LUZP2: variants seen among roughly 807,000 people sequenced by gnomAD.
LUZP2 encodes leucine zipper protein 2.
In LUZP2, 52 loss-of-function variants were observed where a neutral mutation model predicts 51.6. That is an observed-to-expected ratio of 1.01 (90% CI 0.81 to 1.27). The LOEUF is 1.27. Among genes scored for constraint, LUZP2 ranks in the 50% most tolerant of loss-of-function variants. The pLI is 0.00. For missense variants in LUZP2, 436 were observed against 395.4 expected (o/e 1.10, Z -0.87); for synonymous variants, 154 against 137.3 (o/e 1.12, Z -0.85).
intron 9 of LUZP2, among the ~76,000 whole-genome samples, chr11:24,993,211 G>A (rs552851677): frequency 6.6e-6 from 1 of 152,058 alleles, no homozygotes; most frequent in Non-Finnish European, 1.5e-5. Context: ...TACATTGACT[G>A]ATCTGGCCTG....
At chr11:25,014,039 G>A (rs1007227913) in intron 9 of LUZP2, among the ~76,000 whole-genome samples, 7 of 152,062 alleles carry the variant, frequency 4.6e-5, no homozygotes, top group Non-Finnish European at 7.4e-5. Context: ...TGAGAATGAT[G>A]ATTTCCAGCT....
chr11:24,953,826 T>A (rs911001362), intron 7 of LUZP2, among the ~76,000 whole-genome samples: 6 of 152,028 alleles, frequency 3.9e-5, no homozygotes, highest in Non-Finnish European at 7.4e-5. Flanking sequence ...ATTTATTCAA[T>A]GATTAGCAAA....
chr11:24,825,752 C>G (rs561610976), intron 5 of LUZP2, among the ~76,000 whole-genome samples: 4 of 152,210 alleles, frequency 2.6e-5, no homozygotes, highest in African/African-American at 9.6e-5. Context: ...CTTCCCTCCT[C>G]ACCCCCTGAT....
intron 5 of LUZP2, among the ~76,000 whole-genome samples, chr11:24,797,266 C>A (rs1239370193): frequency 6.6e-6 from 1 of 151,538 alleles, no homozygotes; most frequent in Non-Finnish European, 1.5e-5. Context: ...CAATAAGAGT[C>A]ATTTGACTCA....
chr11:24,949,552 C>T (rs964815249), intron 7 of LUZP2, among the ~76,000 whole-genome samples: 2 of 151,450 alleles, frequency 1.3e-5, no homozygotes, highest in East Asian at 1.9e-4. Context: ...CTTTGCTATG[C>T]GTAAGTGAAC....
intron 7 of LUZP2, among the ~76,000 whole-genome samples, chr11:24,934,898 G>A (rs1854547306): frequency 6.6e-6 from 1 of 152,136 alleles, no homozygotes; most frequent in Non-Finnish European, 1.5e-5. Flanking sequence ...TATTTAGCCT[G>A]TGGCCAGTGT....
rs1211122880 is a variant in LUZP2, at chr11:24,786,987, G to A, written c.396+23679G>A. On this transcript the variant is annotated intron_variant, in intron 5 of 11. Transcript: ENST00000336930. ...TGACAACTTTTCTTGCCCAATTCAG[G>A]CCCAGTTATCAATTCAATTGAGGAA... 3.9e-5 allele frequency among the ~76,000 whole-genome samples: 6 copies of A among 152,076 alleles called. No individual in the cohort carries two copies. The East Asian group carries it at 1.2e-3, about 29-fold the overall frequency.
intron 1 of LUZP2, among the ~76,000 whole-genome samples, chr11:24,546,064 C>T (rs1851530641): frequency 6.6e-6 from 1 of 151,990 alleles, no homozygotes; most frequent in Admixed American, 6.6e-5. Flanking sequence ...GGACTGCATT[C>T]ATGATTTGGC....
chr11:24,586,619 A>G (rs897203576), intron 1 of LUZP2, among the ~76,000 whole-genome samples: 5 of 152,094 alleles, frequency 3.3e-5, no homozygotes, highest in African/African-American at 1.2e-4. Flanking sequence ...CCCATGCTTA[A>G]TAAAATACAA....
chr11:24,546,248 C>G (rs1393824816), intron 1 of LUZP2, among the ~76,000 whole-genome samples: 2 of 152,070 alleles, frequency 1.3e-5, no homozygotes, highest in East Asian at 1.9e-4. Context: ...TTGACTTCTT[C>G]TCTTCCTATT....
intron 1 of LUZP2, among the ~76,000 whole-genome samples, chr11:24,660,590 G>A (rs113924570): frequency 4.3e-4 from 65 of 152,064 alleles, no homozygotes; most frequent in Non-Finnish European, 4.0e-4. Flanking sequence ...GGATTAAAGC[G>A]AAGAACCCCT....
chr11:24,836,045 G>C (rs1229625188), intron 5 of LUZP2, among the ~76,000 whole-genome samples: 1 of 151,926 alleles, frequency 6.6e-6, no homozygotes, highest in Non-Finnish European at 1.5e-5. Context: ...GTGGTTAATA[G>C]CATAGACTAT....
chr11:24,778,423 TAAAC>T (rs375197625), intron 5 of LUZP2, among the ~76,000 whole-genome samples: 42 of 151,282 alleles, frequency 2.8e-4, no homozygotes, highest in African/African-American at 4.4e-4. Flanking sequence ...AAAAAATGAA[TAAAC>T]AAACAAACAA....
chr11:24,623,237 TC>T (rs763898465), intron 1 of LUZP2, among the ~76,000 whole-genome samples: 5 of 130,014 alleles, frequency 3.8e-5, no homozygotes, highest in Non-Finnish European at 8.3e-5. Context: ...TCATAAAAAC[TC>T]ATGGGAAAAG....
chr11:24,754,141 T>C (rs1859689463), intron 4 of LUZP2, among the ~76,000 whole-genome samples: 1 of 152,146 alleles, frequency 6.6e-6, no homozygotes, highest in Admixed American at 6.5e-5. Flanking sequence ...TTTCACCTCA[T>C]CAGTGTTTTT....
chr11:24,712,320 C>A (rs1414193132), intron 1 of LUZP2, among the ~76,000 whole-genome samples: 1 of 151,928 alleles, frequency 6.6e-6, no homozygotes, highest in Non-Finnish European at 1.5e-5. Flanking sequence ...ACTCAGTAGG[C>A]TAAGGCATGA....
intron 7 of LUZP2, among the ~76,000 whole-genome samples, chr11:24,924,662 C>A (rs538206788): frequency 6.6e-6 from 1 of 151,988 alleles, no homozygotes; most frequent in Admixed American, 6.6e-5. Flanking sequence ...AATGTGTGCT[C>A]AAGGTGGTTG....
chr11:24,755,804 C>T (rs1488441681), intron 4 of LUZP2, among the ~76,000 whole-genome samples: 1 of 152,080 alleles, frequency 6.6e-6, no homozygotes. Flanking sequence ...TGTAACATCG[C>T]ATGACAAATA....
At chr11:24,935,546 A>T (rs553407868) in intron 7 of LUZP2, among the ~76,000 whole-genome samples, 1 of 152,278 alleles carries the variant, frequency 6.6e-6, no homozygotes, top group South Asian at 2.1e-4. Flanking sequence ...GTAAAATTGC[A>T]TTTGAGTGCC....
Sources: allele counts gnomAD v4.1 joint callset (sites outside exome capture counted in the v4.1 genomes callset), GRCh38; gene constraint gnomAD v4.1.1; transcripts MANE v1.5; gene names NCBI Gene and HGNC (gene_info 2026-07-23, HGNC 2026-07-21).